The following PEG3 variants were observed in gnomAD, a reference collection of about 807,000 sequenced individuals.
PEG3 encodes paternally expressed 3.
Under a neutral mutation model 35.5 loss-of-function variants are expected in PEG3, and 23 were observed. That is an observed-to-expected ratio of 0.65 (90% CI 0.47 to 0.92). PEG3 has a LOEUF of 0.92. Ranked by LOEUF, PEG3 falls within the 40% of genes least tolerant of loss-of-function variation. The pLI is 0.00. For missense variants in PEG3, 1,960 were observed against 1,985.3 expected (o/e 0.99, Z 0.24); for synonymous variants, 707 against 697.0 (o/e 1.01, Z -0.23).
rs1448925675 is a variant in PEG3, at chr19:56,813,354, C to A, written c.*321G>T. ...CATGAAACACTATATATACGTTACA[C>A]AAGTGTCATTTACAGTTGATTTGGG... On this transcript the variant is annotated 3_prime_UTR_variant, in exon 10 of 10. Coordinates refer to ENST00000326441, the MANE Select transcript of PEG3 (RefSeq NM_006210.3). The A allele has an allele frequency of 2.7e-6, 3 of 1,116,322 alleles. No individual in the cohort carries two copies. The highest frequency in any genetic ancestry group is 1.6e-5 in the African/African-American group (1 of 63,254). 69.2% of individuals were successfully genotyped at this position (1,116,322 alleles called of 1,614,324 possible).
chr19:56,811,329 G>A lies in PEG3; in HGVS notation c.*2346C>T. 2.0e-5 allele frequency: 18 copies of A among 898,484 alleles called. No homozygotes were observed. Among genetic ancestry groups the A allele is most frequent in the Non-Finnish European group, 2.3e-5 (17 of 751,086 alleles). The allele number at this position is 898,484 out of a possible 1,614,324, so 55.7% of individuals were successfully genotyped here. A position where few individuals can be genotyped will look rare whatever the true frequency, so the allele number is the denominator to read the frequency against. On this transcript the variant is annotated 3_prime_UTR_variant, in exon 10 of 10. Coordinates refer to ENST00000326441, the MANE Select transcript of PEG3 (RefSeq NM_006210.3). ...TTATAATGAACTGTTTAAATGAACT[G>A]TTAAATGAACAGCATATAAATGAAC...
chr19:56,815,845 G>A lies in PEG3; in HGVS notation c.2597C>T (p.Ser866Leu). Residue 866 changes from serine (S) to leucine (L), a missense_variant, in exon 10 of 10, where the codon TCA becomes TTA. By Grantham distance (145) the Ser-to-Leu change is moderately radical. Coordinates refer to ENST00000326441, the MANE Select transcript of PEG3 (RefSeq NM_006210.3). ...NEKGESSIYI[S>L]DLNDKRQKIP... ...CTTCTGTCGCTTATCATTAAGGTCTGAGATATAAATGGAGGATTCTCCCTT... is the reference window on the plus strand; with the variant it reads ...CTTCTGTCGCTTATCATTAAGGTCTAAGATATAAATGGAGGATTCTCCCTT... 2 of 1,613,624 alleles carry A rather than the reference G, an allele frequency of 1.2e-6. No individual in the cohort carries two copies. Among genetic ancestry groups the A allele is most frequent in the Non-Finnish European group, 1.7e-6 (2 of 1,179,696 alleles).
At position 56,815,502 on chromosome 19, in the gene PEG3, A is replaced by G; in HGVS notation, c.2940T>C (p.His980=). ...ECQECGECFA[H]SSDLTEHQKI... ...TCTGGTGCTCAGTGAGGTCAGAGCT[A>G]TGAGCAAAGCACTCCCCACACTCCT... The change falls in exon 10 of 10, where the codon CAT becomes CAC. Residue 980 remains histidine (H), a synonymous_variant. Coordinates refer to ENST00000326441, the MANE Select transcript of PEG3 (RefSeq NM_006210.3). The G allele has an allele frequency of 6.2e-7, 1 of 1,614,120 alleles. No individual in the cohort carries two copies. Among genetic ancestry groups the G allele is most frequent in the Non-Finnish European group, 8.5e-7 (1 of 1,179,996 alleles).
chr19:56,817,209 G>A lies in PEG3; in HGVS notation c.1233C>T (p.Pro411=), dbSNP rs778919349. 3 of 1,614,150 alleles carry A rather than the reference G, an allele frequency of 1.9e-6. No individual in the cohort carries two copies. Among genetic ancestry groups the A allele is most frequent in the East Asian group, 4.5e-5 (2 of 44,878 alleles). ...TACCACATTCAAAGGGCTTCTTCCT[G>A]GGACAGCCTTTTTGATCGTGAATCG... ...KGSIHDQKGC[P]RKKPFECGSE... The change falls in exon 10 of 10, where the codon CCC becomes CCT. Residue 411 remains proline (P), a synonymous_variant. Transcript: ENST00000326441.
intron 2 of PEG3, among the ~76,000 whole-genome samples, chr19:56,835,500 A>G (rs1270081580): frequency 6.6e-6 from 1 of 152,132 alleles, no homozygotes; most frequent in Non-Finnish European, 1.5e-5. Flanking sequence ...CTCAGCTTTA[A>G]TGTTCTTTAC....
rs747618072 is a variant in PEG3 at position 56,824,490 on chromosome 19, C to A, written c.166G>T (p.Glu56Ter). 6.2e-7 allele frequency: 1 copy of A among 1,613,932 alleles called. No homozygotes were observed. Reference protein sequence around the residue: ...HQRFRNLIYVEFVGPRKTLIK... With the variant: ...HQRFRNLIYV ...AGGGTCTTCCGAGGCCCAACAAATT[C>A]CACATAGATTAGGTTCCGAAACCTC... Residue 56 changes from glutamate to a stop codon, truncating the protein, a stop_gained, in exon 4 of 10, where the codon GAA becomes TAA. Transcript: ENST00000326441. LOFTEE classifies it high-confidence loss of function.
chr19:56,838,643 A>G (rs551086957), intron 1 of PEG3, among the ~76,000 whole-genome samples: 1 of 152,340 alleles, frequency 6.6e-6, no homozygotes, highest in South Asian at 2.1e-4. Flanking sequence ...GCGCGGTGAT[A>G]ACCCGTCACC....
At chr19:56,822,211 G>T (rs1568666830) in intron 6 of PEG3, among the ~76,000 whole-genome samples, 1 of 152,086 alleles carries the variant, frequency 6.6e-6, no homozygotes, top group Admixed American at 6.5e-5. Context: ...TCAATTTTAG[G>T]GTGCCCTGCT....
At chr19:56,840,408 G>A (rs189904256) in intron 1 of PEG3, among the ~76,000 whole-genome samples, 174 bp downstream of exon 1, 294 of 152,284 alleles carry the variant, frequency 1.9e-3, no homozygotes, top group African/African-American at 6.9e-3. Context: ...GCCCACTCTC[G>A]GACTGGGCAG....
chr19:56,834,832 G>A (rs1213085867), intron 2 of PEG3, among the ~76,000 whole-genome samples: 3 of 152,114 alleles, frequency 2.0e-5, no homozygotes, highest in Admixed American at 1.3e-4. Context: ...TTCTTGTGAT[G>A]GGAGTTTCCA....
At chr19:56,833,481 G>T in intron 2 of PEG3, 1 of 276,374 alleles carries the variant, frequency 3.6e-6, no homozygotes, top group Non-Finnish European at 7.1e-6. Flanking sequence ...CCCAGCCCAG[G>T]CCTACGTCAC....
chr19:56,813,408 G>A lies in PEG3; in HGVS notation c.*267C>T. The A allele has an allele frequency of 1.6e-6, 2 of 1,268,042 alleles. No individual in the cohort carries two copies. The highest frequency in any genetic ancestry group is 1.0e-6 in the Non-Finnish European group (1 of 1,004,336). 78.5% of individuals were successfully genotyped at this position (1,268,042 alleles called of 1,614,324 possible). ...ACTCTGTAGTCTGGAATACTCATAG[G>A]GTTTTCTCAATCTGATTACTTGGAA... On this transcript the variant is annotated 3_prime_UTR_variant, in exon 10 of 10. Transcript: ENST00000326441.
chr19:56,837,608 C>T (rs910896250), intron 1 of PEG3, among the ~76,000 whole-genome samples: 2 of 152,236 alleles, frequency 1.3e-5, no homozygotes, highest in African/African-American at 2.4e-5. Flanking sequence ...CATGAGGGCA[C>T]GCTGCCCAAG....
intron 2 of PEG3, among the ~76,000 whole-genome samples, chr19:56,827,703 A>G (rs2061183865): frequency 6.6e-6 from 1 of 152,256 alleles, no homozygotes; most frequent in Admixed American, 6.5e-5. Context: ...TGTTGTTAAT[A>G]GACAAGATAT....
chr19:56,828,507 A>G (rs1003777800), intron 2 of PEG3, among the ~76,000 whole-genome samples: 5 of 152,192 alleles, frequency 3.3e-5, no homozygotes, highest in Non-Finnish European at 5.9e-5. Flanking sequence ...GAGAACAGGG[A>G]CAGTCAAACA....
intron 1 of PEG3, among the ~76,000 whole-genome samples, chr19:56,837,845 C>T (rs2062356497): frequency 6.6e-6 from 1 of 151,980 alleles, no homozygotes; most frequent in Non-Finnish European, 1.5e-5. Flanking sequence ...CCGGCCAACA[C>T]ACGTGGTACT....
intron 5 of PEG3, 96 bp downstream of exon 5, chr19:56,823,497 G>A (rs1214403758): frequency 2.7e-5 from 40 of 1,461,166 alleles, no homozygotes; most frequent in Non-Finnish European, 3.6e-5. Flanking sequence ...GGGATGGCGG[G>A]TCATCTTCAT....
intron 2 of PEG3, among the ~76,000 whole-genome samples, chr19:56,828,438 A>C (rs1422129988): frequency 6.6e-6 from 1 of 152,154 alleles, no homozygotes; most frequent in East Asian, 1.9e-4. Flanking sequence ...CCATCTGCCC[A>C]TGTGCACAAA....
chr19:56,813,137 T>C lies in PEG3; in HGVS notation c.*538A>G, dbSNP rs1220934758. 1.0e-6 allele frequency: 1 copy of C among 982,564 alleles called. No homozygotes were observed. The highest frequency in any genetic ancestry group is 1.2e-6 in the Non-Finnish European group (1 of 827,796). 60.9% of individuals were successfully genotyped at this position (982,564 alleles called of 1,614,324 possible). On this transcript the variant is annotated 3_prime_UTR_variant, in exon 10 of 10. Transcript: ENST00000326441. ...TTGACAGGGTTCAAATAATGCACAA[T>C]AAATCTTTCTCAGGATCTAAGACAC... is the stretch of plus-strand genomic sequence containing the variant.
Sources: allele counts gnomAD v4.1 joint callset (sites outside exome capture counted in the v4.1 genomes callset), GRCh38; gene constraint gnomAD v4.1.1; transcripts MANE v1.5; gene names NCBI Gene and HGNC (gene_info 2026-07-23, HGNC 2026-07-21).